The following UVRAG variants were observed in gnomAD, a reference collection of about 807,000 sequenced individuals.
UVRAG encodes UV radiation resistance associated.
Under a neutral mutation model 78.0 loss-of-function variants are expected in UVRAG, and 19 were observed. That is an observed-to-expected ratio of 0.24 (90% CI 0.17 to 0.36). The LOEUF is 0.36. UVRAG is among the 10% of genes least tolerant of loss of function. The pLI, the probability that UVRAG is intolerant of heterozygous loss-of-function variation, is 1.00. For synonymous variants in UVRAG, 323 were observed against 324.6 expected (o/e 1.00, Z 0.05); for missense variants, 740 against 853.8 (o/e 0.87, Z 1.66).
intron 1 of UVRAG, among the ~76,000 whole-genome samples, chr11:75,828,802 T>TACAC (rs1945590823): frequency 1.4e-5 from 1 of 71,430 alleles, no homozygotes; most frequent in African/African-American, 5.5e-5. Flanking sequence ...TATATATATA[T>TACAC]ATATTTTTTT....
chr11:76,042,979 G>A (rs1950679170), intron 12 of UVRAG, among the ~76,000 whole-genome samples: 2 of 152,254 alleles, frequency 1.3e-5, no homozygotes, highest in South Asian at 4.1e-4. Context: ...TAAAGTTTCT[G>A]AGTTAGCCAT....
At chr11:75,864,751 T>G (rs1430942968) in intron 3 of UVRAG, among the ~76,000 whole-genome samples, 4 of 152,250 alleles carry the variant, frequency 2.6e-5, no homozygotes, top group Non-Finnish European at 2.9e-5. Flanking sequence ...ACTGCAAATC[T>G]TCAATTAGAT....
intron 13 of UVRAG, among the ~76,000 whole-genome samples, chr11:76,091,838 T>G (rs956632436): frequency 2.7e-5 from 4 of 147,026 alleles, no homozygotes; most frequent in African/African-American, 5.2e-5. Context: ...TGTATATTTG[T>G]TTTTTTTTTA....
chr11:76,141,461 G>T lies in UVRAG; in HGVS notation c.*48G>T. The stretch of plus-strand genomic sequence containing the variant: ...CTGGGGCAGAAGCTCTGCCTAAAAT[G>T]AAGTGAAAGCTGCACTTAACCCTTT... On this transcript the variant is annotated 3_prime_UTR_variant, in exon 15 of 15. Transcript: ENST00000356136. The T allele has an allele frequency of 6.5e-7, 1 of 1,545,352 alleles. No individual in the cohort carries two copies. The highest frequency in any genetic ancestry group is 1.2e-5 in the South Asian group (1 of 85,234).
At chr11:75,998,676 GT>G (rs1399087363) in intron 8 of UVRAG, among the ~76,000 whole-genome samples, 1 of 152,232 alleles carries the variant, frequency 6.6e-6, no homozygotes, top group Non-Finnish European at 1.5e-5. Context: ...ATGGGAAGAA[GT>G]TGGGGGCTGC....
At chr11:76,081,406 A>G (rs1951491380) in intron 13 of UVRAG, among the ~76,000 whole-genome samples, 1 of 151,946 alleles carries the variant, frequency 6.6e-6, no homozygotes, top group African/African-American at 2.4e-5. Context: ...GAGTTTCACC[A>G]TGTTGGCCAG....
intron 1 of UVRAG, chr11:75,837,615 A>C (rs896489169): frequency 6.6e-6 from 1 of 152,114 alleles, no homozygotes; most frequent in Non-Finnish European, 1.5e-5. Flanking sequence ...CTGATCAACT[A>C]GTTGTGAACA....
chr11:75,975,981 C>G (rs1949229783), intron 7 of UVRAG, among the ~76,000 whole-genome samples: 1 of 152,132 alleles, frequency 6.6e-6, no homozygotes, highest in African/African-American at 2.4e-5. Flanking sequence ...TTTGTCCATT[C>G]AGTATGATAT....
At chr11:76,052,797 T>C (rs1280478081) in intron 12 of UVRAG, among the ~76,000 whole-genome samples, 1 of 152,132 alleles carries the variant, frequency 6.6e-6, no homozygotes, top group Non-Finnish European at 1.5e-5. Context: ...GGTTCTCTTG[T>C]ATACCATTTC....
chr11:75,921,760 T>C (rs572240979), intron 6 of UVRAG, among the ~76,000 whole-genome samples: 132 of 152,198 alleles, frequency 8.7e-4, no homozygotes, highest in Admixed American at 2.2e-3. Context: ...TCTTGTAAGG[T>C]AGAAATTATT....
At chr11:75,866,414 G>A (rs899038327) in intron 3 of UVRAG, among the ~76,000 whole-genome samples, 1 of 151,830 alleles carries the variant, frequency 6.6e-6, no homozygotes, top group Non-Finnish European at 1.5e-5. Flanking sequence ...GGGCATGGTG[G>A]TGCATACGTG....
At chr11:75,873,843 C>G (rs1037004082) in intron 3 of UVRAG, among the ~76,000 whole-genome samples, 5 of 152,130 alleles carry the variant, frequency 3.3e-5, no homozygotes, top group African/African-American at 9.7e-5. Flanking sequence ...GTACTCAGTT[C>G]CAGGGGAGCA....
chr11:76,029,223 T>C (rs559623468), intron 12 of UVRAG, among the ~76,000 whole-genome samples: 1 of 152,322 alleles, frequency 6.6e-6, no homozygotes, highest in Non-Finnish European at 1.5e-5. Context: ...AAAAAAATAT[T>C]CCTTTCAAAA....
In UVRAG at chr11:75,861,787, T is replaced by C; in HGVS notation, c.270+7T>C. 6.2e-7 allele frequency: 1 copy of C among 1,606,828 alleles called. No homozygotes were observed. Among genetic ancestry groups the C allele is most frequent in the Non-Finnish European group, 8.5e-7 (1 of 1,174,460 alleles). On this transcript the variant is annotated splice_region_variant and intron_variant, in intron 3 of 14. Transcript: ENST00000356136. ...AGTGATTAAGAATTCCTTGGTAAGT[T>C]TGCTTTCTGACGGGTACATATGACT...
At chr11:75,932,788 G>A (rs1301373941) in intron 6 of UVRAG, among the ~76,000 whole-genome samples, 1 of 151,978 alleles carries the variant, frequency 6.6e-6, no homozygotes, top group African/African-American at 2.4e-5. Context: ...AAATATCTAG[G>A]AATTAACTAA....
At chr11:76,006,898 C>G (rs1949955802) in intron 9 of UVRAG, among the ~76,000 whole-genome samples, 1 of 152,176 alleles carries the variant, frequency 6.6e-6, no homozygotes, top group South Asian at 2.1e-4. Flanking sequence ...ATTACTCAGA[C>G]TCTCTAAATA....
chr11:76,003,288 T>TTTTTTTTTTTTTTTG (rs1491521163), intron 8 of UVRAG, among the ~76,000 whole-genome samples: 5 of 62,548 alleles, frequency 8.0e-5, no homozygotes, highest in African/African-American at 3.0e-4. Context: ...TTTTTTTTTT[T>TTTTTTTTTTTTTTTG]GGAGACAGAG....
chr11:76,042,453 C>T (rs1758402275), intron 12 of UVRAG, among the ~76,000 whole-genome samples: 1 of 152,136 alleles, frequency 6.6e-6, no homozygotes, highest in Non-Finnish European at 1.5e-5. Flanking sequence ...CATGGTCATT[C>T]CTGTTTCTCA....
intron 14 of UVRAG, among the ~76,000 whole-genome samples, chr11:76,117,487 T>A (rs1455504920): frequency 6.6e-6 from 1 of 152,244 alleles, no homozygotes; most frequent in Admixed American, 6.5e-5. Context: ...ATGACATTTT[T>A]AATTATTGTA....
Sources: gnomAD v4.1 joint callset for allele counts (sites outside exome capture counted in the v4.1 genomes callset) on GRCh38, gnomAD v4.1.1 for gene constraint, MANE v1.5 for transcripts, NCBI Gene and HGNC (gene_info 2026-07-23, HGNC 2026-07-21) for gene names.